The following THSD7A variants were observed in gnomAD, a reference collection of about 807,000 sequenced individuals.
The protein encoded by THSD7A is thrombospondin type-1 domain-containing protein 7A.
THSD7A carries 96 observed loss-of-function variants against 231.3 expected under a neutral mutation model. The ratio of observed to expected loss-of-function variants is 0.41; its 90% CI spans 0.35 to 0.49. The LOEUF (loss-of-function observed/expected upper bound fraction) is 0.49. Ranked by LOEUF, THSD7A falls within the 20% of genes least tolerant of loss-of-function variation. The pLI is 0.05. For missense variants in THSD7A, 2,290 were observed against 2,070.2 expected (o/e 1.11, Z -2.06); for synonymous variants, 940 against 743.3 (o/e 1.26, Z -4.30).
intron 1 of THSD7A, among the ~76,000 whole-genome samples, chr7:11,805,754 A>C (rs1479586151): frequency 1.3e-5 from 2 of 152,112 alleles, no homozygotes; most frequent in Non-Finnish European, 2.9e-5. Flanking sequence ...AACATCAAAA[A>C]CCACAACATT....
chr7:11,761,837 A>G (rs1045836051), intron 1 of THSD7A, among the ~76,000 whole-genome samples: 1 of 151,974 alleles, frequency 6.6e-6, no homozygotes, highest in Non-Finnish European at 1.5e-5. Context: ...TTGGGCTCCT[A>G]GAGAACCTAT....
chr7:11,593,153 A>G (rs755651263), intron 3 of THSD7A, 101 bp downstream of exon 3: 2 of 1,436,632 alleles, frequency 1.4e-6, no homozygotes, highest in Admixed American at 2.4e-5. Context: ...GATATTTTTT[A>G]TGTGTAAAAA....
At chr7:11,586,705 A>G (rs1779924567) in intron 4 of THSD7A, among the ~76,000 whole-genome samples, 1 of 152,254 alleles carries the variant, frequency 6.6e-6, no homozygotes, top group African/African-American at 2.4e-5. Context: ...TTTACTTTCC[A>G]TTTAGCAATG....
chr7:11,650,224 C>A (rs1382375711), intron 1 of THSD7A, among the ~76,000 whole-genome samples: 1 of 152,012 alleles, frequency 6.6e-6, no homozygotes, highest in Non-Finnish European at 1.5e-5. Context: ...TCTTCCATGA[C>A]TCATCCAGTT....
Position 11,379,242 on chromosome 7 carries a change from G to A in THSD7A, c.4629C>T (p.Val1543=). The part of the protein sequence containing the change: ...TCHCEEGYTE[V]MSSNSTLEQC... ...GCTCAAGGGTGCTGTTAGAAGACAT[G>A]ACTTCAGTGTACCCTTCTTCACAAT... The change falls in exon 26 of 28, where the codon GTC becomes GTT. Residue 1543 remains valine, a synonymous_variant. Coordinates refer to ENST00000423059, the MANE Select transcript of THSD7A (RefSeq NM_015204.3). 1 of 1,613,610 alleles carries A rather than the reference G, an allele frequency of 6.2e-7. No homozygotes were observed. The highest frequency in any genetic ancestry group is 1.3e-5 in the African/African-American group (1 of 75,028).
chr7:11,478,489 C>A (rs990594565), intron 7 of THSD7A, among the ~76,000 whole-genome samples: 3 of 152,170 alleles, frequency 2.0e-5, no homozygotes, highest in Admixed American at 6.6e-5. Context: ...GACCTCCTAT[C>A]TGCTGGCACA....
chr7:11,468,228 A>G (rs1176617079), intron 9 of THSD7A, among the ~76,000 whole-genome samples: 1 of 152,130 alleles, frequency 6.6e-6, no homozygotes, highest in Admixed American at 6.6e-5. Flanking sequence ...AAAGGCATCA[A>G]GAACAAAATT....
chr7:11,443,316 A>C (rs1784862097), intron 13 of THSD7A, among the ~76,000 whole-genome samples: 1 of 152,088 alleles, frequency 6.6e-6, no homozygotes, highest in Admixed American at 6.6e-5. Context: ...TTTAATGGCT[A>C]ATTATGGTTT....
intron 25 of THSD7A, 52 bp downstream of exon 25, chr7:11,379,578 G>C (rs1046278028): frequency 1.4e-6 from 2 of 1,457,088 alleles, no homozygotes; most frequent in East Asian, 4.9e-5. Context: ...AAGAGACAGT[G>C]GGGTGACACA....
At chr7:11,663,661 G>A (rs761583944) in intron 1 of THSD7A, among the ~76,000 whole-genome samples, 10 of 151,440 alleles carry the variant, frequency 6.6e-5, no homozygotes, top group Non-Finnish European at 1.5e-4. Context: ...CAGTCATAAA[G>A]CCAATACAAT....
At chr7:11,420,755 T>C (rs1041826086) in intron 16 of THSD7A, among the ~76,000 whole-genome samples, 7 of 152,144 alleles carry the variant, frequency 4.6e-5, no homozygotes, top group Non-Finnish European at 8.8e-5. Flanking sequence ...TGCCAGCTCA[T>C]GAAAGCAGCC....
chr7:11,515,416 C>T (rs1787988765), intron 6 of THSD7A, among the ~76,000 whole-genome samples: 1 of 152,084 alleles, frequency 6.6e-6, no homozygotes, highest in Non-Finnish European at 1.5e-5. Context: ...AGACAGCAAA[C>T]CTACCTTTTG....
chr7:11,548,335 A>G (rs1434005840), intron 4 of THSD7A, among the ~76,000 whole-genome samples: 1 of 152,144 alleles, frequency 6.6e-6, no homozygotes, highest in East Asian at 1.9e-4. Flanking sequence ...GAACAGACAC[A>G]TAACAAGTTC....
rs532686839 is a variant in THSD7A at position 11,678,000 on chromosome 7, A to G, written c.191-41039T>C. On this transcript the variant is annotated intron_variant, in intron 1 of 27. Transcript: ENST00000423059. ...TGGAAATCATAACAAACAGTCTCTC[A>G]GACCACAGTGCAATCAAATTAGAAC... is the stretch of plus-strand genomic sequence containing the variant. 6.7e-3 allele frequency among the ~76,000 whole-genome samples: 1,017 copies of G among 152,328 alleles called. 16 individuals carry two copies. Among genetic ancestry groups the G allele is most frequent in the African/African-American group, 0.022 (929 of 41,584 alleles).
intron 9 of THSD7A, among the ~76,000 whole-genome samples, chr7:11,464,621 A>G (rs1337070825): frequency 1.3e-5 from 2 of 152,192 alleles, no homozygotes; most frequent in African/African-American, 2.4e-5. Flanking sequence ...TACTAGATAT[A>G]TAAGACTATG....
chr7:11,720,668 T>G (rs1367512965), intron 1 of THSD7A, among the ~76,000 whole-genome samples: 5 of 151,780 alleles, frequency 3.3e-5, no homozygotes, highest in Non-Finnish European at 7.4e-5. Context: ...AACTGGTTCT[T>G]ATCTCCATCA....
At chr7:11,664,087 C>T (rs1272611711) in intron 1 of THSD7A, among the ~76,000 whole-genome samples, 2 of 151,674 alleles carry the variant, frequency 1.3e-5, no homozygotes, top group Non-Finnish European at 3.0e-5. Flanking sequence ...CCCTTCTTTG[C>T]CTTTTTATCT....
intron 1 of THSD7A, among the ~76,000 whole-genome samples, chr7:11,800,714 C>T: frequency 6.6e-6 from 1 of 152,018 alleles, no homozygotes; most frequent in East Asian, 1.9e-4. Context: ...ATTTTGGTTG[C>T]CAGGGGCTGA....
rs1008620876 is a variant in THSD7A, at chr7:11,832,175, T to C, written c.-229A>G. On this transcript the variant is annotated 5_prime_UTR_variant, in exon 1 of 28. Coordinates refer to ENST00000423059, the MANE Select transcript of THSD7A (RefSeq NM_015204.3). ...CCGCCGCCTCTGGCGGGGATGCTGCTGCCGCTGCCATTCCTCGCAGAATGG... is the reference window on the plus strand; with the variant it reads ...CCGCCGCCTCTGGCGGGGATGCTGCCGCCGCTGCCATTCCTCGCAGAATGG... The C allele has an allele frequency of 3.2e-6, 1 of 312,444 alleles. No homozygotes were observed. Among genetic ancestry groups the C allele is most frequent in the Non-Finnish European group, 5.8e-6 (1 of 173,300 alleles). The allele number at this position is 312,444 out of a possible 1,614,324, so 19.4% of individuals were successfully genotyped here. A position where few individuals can be genotyped will look rare whatever the true frequency, so the allele number is the denominator to read the frequency against.
Sources: allele counts gnomAD v4.1 joint callset (sites outside exome capture counted in the v4.1 genomes callset), GRCh38; gene constraint gnomAD v4.1.1; transcripts MANE v1.5; gene names NCBI Gene and HGNC (gene_info 2026-07-23, HGNC 2026-07-21).